PLD5: variants seen among roughly 807,000 people sequenced by gnomAD.
PLD5 encodes the protein inactive phospholipase D5.
Under a neutral mutation model 61.1 loss-of-function variants are expected in PLD5, and 36 were observed. That is an observed-to-expected ratio of 0.59 (90% CI 0.45 to 0.78). PLD5 has a LOEUF of 0.78. PLD5 is among the 30% of genes least tolerant of loss of function. PLD5 has a pLI of 0.00. For missense variants in PLD5, 515 were observed against 644.4 expected, an observed-to-expected ratio of 0.80 and a Z score of 2.17; for synonymous variants, 243 against 242.8, an observed-to-expected ratio of 1.00 and a Z score of -0.01.
intron 3 of PLD5, among the ~76,000 whole-genome samples, chr1:242,282,037 TGA>T (rs1444275903): frequency 6.6e-6 from 1 of 152,160 alleles, no homozygotes; most frequent in Non-Finnish European, 1.5e-5. Flanking sequence ...TAGCACAGTG[TGA>T]GAGCCATAAT....
At chr1:242,344,013 C>G (rs1659989735) in intron 2 of PLD5, among the ~76,000 whole-genome samples, 1 of 152,128 alleles carries the variant, frequency 6.6e-6, no homozygotes, top group South Asian at 2.1e-4. Flanking sequence ...CTGCAATAAC[C>G]AGCCCAGGAA....
At chr1:242,494,091 T>TCCCCTCCCCTCTCCTCCCCTCTCC (rs1668276643) in intron 1 of PLD5, among the ~76,000 whole-genome samples, 1 of 62,314 alleles carries the variant, frequency 1.6e-5, no homozygotes, top group African/African-American at 7.0e-5. Context: ...CTGCCCTCCC[T>TCCCCTCCCCTCTCCTCCCCTCTCC]TCCCCTCTCC....
At chr1:242,092,443 C>T (rs1659909649) in intron 9 of PLD5, among the ~76,000 whole-genome samples, 1 of 152,088 alleles carries the variant, frequency 6.6e-6, no homozygotes, top group African/African-American at 2.4e-5. Flanking sequence ...GTATGATAAA[C>T]CAGGAATTAT....
chr1:242,100,163 G>A (rs7549117), intron 9 of PLD5, among the ~76,000 whole-genome samples: 32,553 of 152,186 alleles, frequency 0.21, 3,656 homozygotes, highest in South Asian at 0.28. Flanking sequence ...TCTTACAGAT[G>A]AGAAAACTGA....
At chr1:242,449,396 C>T (rs1321674624) in intron 1 of PLD5, 1 of 1,535,968 alleles carries the variant, frequency 6.5e-7, no homozygotes, top group Non-Finnish European at 8.7e-7. Flanking sequence ...AGTCCAGCAG[C>T]CAGGAGCTGT....
chr1:242,204,152 T>G (rs904425252), intron 5 of PLD5, among the ~76,000 whole-genome samples: 1 of 150,582 alleles, frequency 6.6e-6, no homozygotes, highest in African/African-American at 2.4e-5. Flanking sequence ...CTGAGGCAGG[T>G]GAATGGCGTG....
rs527449790 is a variant in PLD5 at position 242,188,984 on chromosome 1, C to G, written c.735+31004G>C. Among the ~76,000 whole-genome samples, 293 of 151,940 alleles carry G rather than the reference C, an allele frequency of 1.9e-3. 1 individual carries two copies. The highest frequency in any genetic ancestry group is 3.4e-3 in the Non-Finnish European group (230 of 67,998). On this transcript the variant is annotated intron_variant, in intron 5 of 9. Coordinates refer to ENST00000536534, the MANE Select transcript of PLD5 (RefSeq NM_001372062.1). ...GGGACCTAGAATTATATGCTTTAAA[C>G]AAACAAACAAACAAAAAGAGATACT...
intron 1 of PLD5, among the ~76,000 whole-genome samples, chr1:242,385,525 C>A (rs1662548007): frequency 6.6e-6 from 1 of 152,184 alleles, no homozygotes; most frequent in Admixed American, 6.5e-5. Flanking sequence ...GAGCTTGGGG[C>A]CTTCGCAGCC....
intron 2 of PLD5, among the ~76,000 whole-genome samples, chr1:242,311,755 C>G (rs1346998892): frequency 1.3e-5 from 2 of 152,034 alleles, no homozygotes; most frequent in Admixed American, 1.3e-4. Context: ...TATGTCTTTC[C>G]TCAAATTGGG....
At chr1:242,526,190 C>A (rs890078661), upstream of PLD5, among the ~76,000 whole-genome samples, 1 of 152,062 alleles carries the variant, frequency 6.6e-6, no homozygotes, top group East Asian at 1.9e-4. Flanking sequence ...ATCACTTGAT[C>A]CCAGGAGTTC....
At chr1:242,344,741 C>T (rs1240710344) in intron 2 of PLD5, among the ~76,000 whole-genome samples, 2 of 151,652 alleles carry the variant, frequency 1.3e-5, no homozygotes, top group African/African-American at 2.4e-5. Flanking sequence ...TGTCCCACAC[C>T]GAATTTATTC....
intron 5 of PLD5, among the ~76,000 whole-genome samples, chr1:242,163,300 C>G (rs994663098): frequency 1.3e-5 from 2 of 151,906 alleles, no homozygotes; most frequent in South Asian, 4.2e-4. Context: ...CCCGCCACCA[C>G]GCCCGGCTAA....
intron 4 of PLD5, among the ~76,000 whole-genome samples, chr1:242,233,819 C>G (rs1022789170): frequency 1.3e-5 from 2 of 152,076 alleles, no homozygotes; most frequent in African/African-American, 4.8e-5. Context: ...CTGTCTCCTC[C>G]TACACTCTCT....
chr1:242,312,349 C>G (rs1302540658), intron 2 of PLD5, among the ~76,000 whole-genome samples: 2 of 152,106 alleles, frequency 1.3e-5, no homozygotes, highest in Non-Finnish European at 2.9e-5. Flanking sequence ...AAGACCTTCA[C>G]TAATAGGCCC....
chr1:242,114,136 C>T, intron 6 of PLD5, 110 bp from the exon 7 acceptor site: 1 of 1,196,760 alleles, frequency 8.4e-7, no homozygotes, highest in East Asian at 2.4e-5. Context: ...TTTTTGCAAA[C>T]CTAATTTCTG....
intron 5 of PLD5, among the ~76,000 whole-genome samples, chr1:242,157,147 G>T (rs1056885452): frequency 6.6e-6 from 1 of 151,868 alleles, no homozygotes; most frequent in Non-Finnish European, 1.5e-5. Flanking sequence ...GATCAATTCG[G>T]CTATTGATAC....
At chr1:242,479,022 A>G (rs1394008793) in intron 1 of PLD5, among the ~76,000 whole-genome samples, 1 of 152,224 alleles carries the variant, frequency 6.6e-6, no homozygotes, top group African/African-American at 2.4e-5. Flanking sequence ...GAAGTATACA[A>G]AGTAGGATTT....
intron 5 of PLD5, among the ~76,000 whole-genome samples, chr1:242,164,818 TG>T: frequency 6.6e-6 from 1 of 152,314 alleles, no homozygotes. Flanking sequence ...ATACTTGATT[TG>T]TATGTGATTA....
chr1:242,383,730 G>C (rs1393186889), intron 1 of PLD5, among the ~76,000 whole-genome samples: 1 of 152,180 alleles, frequency 6.6e-6, no homozygotes, highest in East Asian at 1.9e-4. Context: ...TCTTTAATTT[G>C]AAGACGAGGC....
Sources: gnomAD v4.1 joint callset for allele counts (sites outside exome capture counted in the v4.1 genomes callset) on GRCh38, gnomAD v4.1.1 for gene constraint, MANE v1.5 for transcripts, NCBI Gene and HGNC (gene_info 2026-07-23, HGNC 2026-07-21) for gene names.